The following LTAP1 variants were observed in gnomAD, a reference collection of about 807,000 sequenced individuals.
LTAP1 encodes the protein HCV NS5A-transactivated protein 4.
At chr1:154,213,845 AG>A in the LTAP1 span, 9 of 1,504,778 alleles carry the variant, frequency 6.0e-6, no homozygotes, top group East Asian at 2.0e-4. Flanking sequence ...TCTGTTCCCT[AG>A]GTGGGCTTTC....
the LTAP1 span, among the ~76,000 whole-genome samples, chr1:154,211,295 G>A: frequency 1.4e-5 from 2 of 140,056 alleles, no homozygotes; most frequent in Non-Finnish European, 3.0e-5. Flanking sequence ...GAGCCACCGC[G>A]CCCGGCCAAA....
At chr1:154,212,786 T>C in the LTAP1 span, 3 of 691,644 alleles carry the variant, frequency 4.3e-6, no homozygotes, top group Non-Finnish European at 7.1e-6. Flanking sequence ...CTCAGCCTCC[T>C]GATTAGCTGG....
the LTAP1 span, chr1:154,220,073 C>T: frequency 1.2e-6 from 1 of 846,602 alleles, no homozygotes; most frequent in South Asian, 1.8e-5. Flanking sequence ...TGGGGCAAAG[C>T]AAGGCCGTTA....
the LTAP1 span, among the ~76,000 whole-genome samples, chr1:154,214,989 C>T: frequency 3.0e-4 from 46 of 151,936 alleles, no homozygotes; most frequent in Non-Finnish European, 5.7e-4. Context: ...GGATTATAGG[C>T]GCGTACGACC....
the LTAP1 span, among the ~76,000 whole-genome samples, chr1:154,214,779 C>T: frequency 1.3e-5 from 2 of 151,988 alleles, no homozygotes; most frequent in African/African-American, 4.8e-5. Context: ...CTGCACATCT[C>T]TAAGCTAGAA....
chr1:154,220,585 AAGG>A, the LTAP1 span: 1 of 641,524 alleles, frequency 1.6e-6, no homozygotes, highest in East Asian at 2.7e-5. Flanking sequence ...AGAGCTGGGA[AAGG>A]AGAACGACGC....
the LTAP1 span, chr1:154,212,835 TA>T: frequency 2.2e-3 from 1,190 of 544,856 alleles, 17 homozygotes; most frequent in African/African-American, 0.021. Flanking sequence ...CTTATTTTTG[TA>T]TTTTTAGTAG....
the LTAP1 span, chr1:154,214,598 A>G: frequency 6.9e-7 from 1 of 1,455,920 alleles, no homozygotes; most frequent in Non-Finnish European, 9.6e-7. Flanking sequence ...AAAAGAATAC[A>G]CAATCATTTA....
the LTAP1 span, among the ~76,000 whole-genome samples, chr1:154,215,037 G>C: frequency 1.3e-5 from 2 of 151,760 alleles, no homozygotes; most frequent in Non-Finnish European, 2.9e-5. Flanking sequence ...TAGAGATGGG[G>C]TTTCACCATG....
chr1:154,220,184 C>T, the LTAP1 span: 1 of 963,210 alleles, frequency 1.0e-6, no homozygotes, highest in Non-Finnish European at 1.6e-6. Flanking sequence ...GTCGGCCCGA[C>T]TAAGTGACTT....
At chr1:154,219,687 GCA>G in the LTAP1 span, 2 of 626,346 alleles carry the variant, frequency 3.2e-6, no homozygotes, top group Non-Finnish European at 5.5e-6. Context: ...GTTCCAAAGC[GCA>G]CAGTGCCTGC....
chr1:154,219,694 G>T, the LTAP1 span: 1 of 656,400 alleles, frequency 1.5e-6, no homozygotes, highest in Non-Finnish European at 2.6e-6. Context: ...AGCGCACAGT[G>T]CCTGCTCAAC....
the LTAP1 span, among the ~76,000 whole-genome samples, chr1:154,217,809 C>T: frequency 1.3e-5 from 2 of 152,094 alleles, no homozygotes; most frequent in Admixed American, 1.3e-4. Flanking sequence ...CATGCCCGGC[C>T]CACTCAGCAT....
At chr1:154,215,564 A>C in the LTAP1 span, among the ~76,000 whole-genome samples, 1 of 133,470 alleles carries the variant, frequency 7.5e-6, no homozygotes, top group Non-Finnish European at 1.6e-5. Flanking sequence ...AGACGTCTCC[A>C]AAAAAAAAAA....
At chr1:154,212,290 TC>T in the LTAP1 span, 1 of 1,612,794 alleles carries the variant, frequency 6.2e-7, no homozygotes, top group African/African-American at 1.3e-5. Flanking sequence ...CTGTACCAGC[TC>T]CCTCTGACAC....
chr1:154,217,853 T>G, the LTAP1 span, among the ~76,000 whole-genome samples: 1 of 152,128 alleles, frequency 6.6e-6, no homozygotes, highest in Admixed American at 6.6e-5. Context: ...TTTTTTTCAT[T>G]CAGAAGTATT....
chr1:154,217,069 C>T, the LTAP1 span, among the ~76,000 whole-genome samples: 2 of 151,914 alleles, frequency 1.3e-5, no homozygotes, highest in African/African-American at 4.8e-5. Context: ...GCCTCAGCCT[C>T]CTGAGTAGCT....
chr1:154,218,192 A>C, the LTAP1 span, among the ~76,000 whole-genome samples: 1 of 152,264 alleles, frequency 6.6e-6, no homozygotes, highest in African/African-American at 2.4e-5. Context: ...TTCTTGGTAC[A>C]CATGAGCAAA....
the LTAP1 span, among the ~76,000 whole-genome samples, chr1:154,216,112 C>T: frequency 1.3e-5 from 2 of 152,166 alleles, no homozygotes; most frequent in Admixed American, 6.5e-5. Context: ...GCTGGGATTA[C>T]AGGCGTGAGC....
Sources: allele counts gnomAD v4.1 joint callset (sites outside exome capture counted in the v4.1 genomes callset), GRCh38; gene constraint gnomAD v4.1.1; transcripts MANE v1.5; gene names NCBI Gene and HGNC (gene_info 2026-07-23, HGNC 2026-07-21).